The following ATM variants were observed in gnomAD, a reference collection of about 807,000 sequenced individuals.
The protein encoded by ATM is ATM serine/threonine kinase.
ATM carries 308 observed loss-of-function variants against 387.0 expected under a neutral mutation model. The observed-to-expected ratio is 0.80, with a 90% CI of 0.73 to 0.87. The LOEUF is 0.87. Ranked by LOEUF, ATM falls within the 40% of genes least tolerant of loss-of-function variation. The pLI is 0.00. For synonymous variants in ATM, 1,156 were observed against 1,187.3 expected (o/e 0.97, Z 0.54); for missense variants, 3,312 against 3,560.9 (o/e 0.93, Z 1.78).
intron 29 of ATM, among the ~76,000 whole-genome samples, chr11:108,291,752 A>G (rs139070844): frequency 6.6e-6 from 1 of 152,180 alleles, no homozygotes; most frequent in African/African-American, 2.4e-5. Context: ...TAGTGTTTGC[A>G]GATTGGCTTT....
chr11:108,343,682 T>C, intron 57 of ATM, among the ~76,000 whole-genome samples: 1 of 152,134 alleles, frequency 6.6e-6, no homozygotes. Context: ...CACGATGGCA[T>C]GCACCTGTAA....
chr11:108,354,658 C>A (rs1327860949), intron 60 of ATM, among the ~76,000 whole-genome samples, 153 bp from the exon 61 acceptor site: 1 of 152,162 alleles, frequency 6.6e-6, no homozygotes, highest in Non-Finnish European at 1.5e-5. Flanking sequence ...CTAATGAAAG[C>A]CCACTCTGCC....
intron 20 of ATM, among the ~76,000 whole-genome samples, chr11:108,271,659 A>T (rs573230023): frequency 6.6e-6 from 1 of 152,262 alleles, no homozygotes; most frequent in Admixed American, 6.5e-5. Context: ...TTTGACATGT[A>T]TAGTGAATAA....
At chr11:108,301,473 T>C (rs1385579530) in intron 34 of ATM, among the ~76,000 whole-genome samples, 175 bp from the exon 35 acceptor site, 1 of 152,236 alleles carries the variant, frequency 6.6e-6, no homozygotes, top group Non-Finnish European at 1.5e-5. Context: ...TCAAGTTTAC[T>C]GAATGACTAG....
chr11:108,279,775 C>T (rs188418573), intron 23 of ATM, among the ~76,000 whole-genome samples, 167 bp downstream of exon 23: 2 of 152,286 alleles, frequency 1.3e-5, no homozygotes, highest in Admixed American at 1.3e-4. Context: ...CTTTCTGGGT[C>T]ACAATGGGTC....
At chr11:108,234,058 T>G (rs745437666) in intron 4 of ATM, among the ~76,000 whole-genome samples, 6 of 152,196 alleles carry the variant, frequency 3.9e-5, no homozygotes, top group Non-Finnish European at 8.8e-5. Context: ...ATATAGAGAT[T>G]AATTCCTTTC....
chr11:108,288,992 T>A lies in ATM; in HGVS notation c.4125T>A (p.Ala1375=), dbSNP rs1555096804. ...LCDFSGDLDP[A]PNPPHFPSHV... is the part of the protein sequence containing the mutation. ...ACTCTGTTAGGGATTTGGATCCTGCTCCTAATCCACCTCATTTTCCATCGC... is the reference window on the plus strand; with the variant it reads ...ACTCTGTTAGGGATTTGGATCCTGCACCTAATCCACCTCATTTTCCATCGC... Residue 1375 remains alanine (A), a synonymous_variant, in exon 28 of 63, where the codon GCT becomes GCA. Coordinates refer to ENST00000675843, the MANE Select transcript of ATM (RefSeq NM_000051.4). 1 of 1,613,662 alleles carries A rather than the reference T, an allele frequency of 6.2e-7. No homozygotes were observed. The highest frequency in any genetic ancestry group is 8.5e-7 in the Non-Finnish European group (1 of 1,179,734).
Position 108,330,208 on chromosome 11 carries a change from T to C in ATM, c.7308-6T>C, listed in dbSNP as rs574836628. 6.2e-7 allele frequency: 1 copy of C among 1,613,094 alleles called. No homozygotes were observed. The highest frequency in any genetic ancestry group is 2.2e-5 in the East Asian group (1 of 44,826). The stretch of plus-strand genomic sequence containing the variant: ...TTTGTGTTTTACCTTAATTATTCTA[T>C]GCAAGATACACAGTAAAGGTTCAGC... On this transcript the variant is annotated splice_polypyrimidine_tract_variant and splice_region_variant and intron_variant, in intron 49 of 62. Transcript: ENST00000675843.
In ATM at chr11:108,317,443, A is replaced by G. The variant is rs1555114696; in HGVS notation, c.6269A>G (p.Asp2090Gly). 1 of 1,612,520 alleles carries G rather than the reference A, an allele frequency of 6.2e-7. No homozygotes were observed. The highest frequency in any genetic ancestry group is 8.5e-7 in the Non-Finnish European group (1 of 1,179,408). ...YLKGLDYENK[D>G]WCPELEELHY... Reference sequence around the variant, plus strand: ...AAAGGATTGGATTATGAAAATAAAGACTGGTGTCCTGAACTAGAAGAACTT... The same window carrying G: ...AAAGGATTGGATTATGAAAATAAAGGCTGGTGTCCTGAACTAGAAGAACTT... Residue 2090 changes from aspartate (D) to glycine (G), a missense_variant, in exon 43 of 63, where the codon GAC (aspartate) becomes GGC (glycine). By Grantham distance (94) the Asp-to-Gly change is moderately conservative. This residue lies in a region of ATM where 1,405 missense variants were observed against 1,604.4 expected (regional missense o/e 0.88). Transcript: ENST00000675843.
chr11:108,245,970 G>A (rs1035495282), intron 7 of ATM, among the ~76,000 whole-genome samples: 3 of 151,710 alleles, frequency 2.0e-5, no homozygotes, highest in Non-Finnish European at 4.4e-5. Context: ...GATTACAGAT[G>A]CCTGGCACCA....
intron 54 of ATM, 34 bp downstream of exon 54, chr11:108,334,002 CTA>C (rs754906809): frequency 1.3e-6 from 2 of 1,527,544 alleles, no homozygotes; most frequent in African/African-American, 1.4e-5. Context: ...TTTTTTTAAA[CTA>C]AATTTTTTTT....
intron 27 of ATM, among the ~76,000 whole-genome samples, chr11:108,288,239 AATTTTTTATAT>A (rs973595824): frequency 2.0e-5 from 3 of 151,844 alleles, no homozygotes; most frequent in African/African-American, 7.3e-5. Flanking sequence ...GCGCCTGGCT[AATTTTTTATAT>A]TTTTGGTAGA....
At chr11:108,265,986 A>G (rs1300008646) in intron 16 of ATM, among the ~76,000 whole-genome samples, 8 of 151,734 alleles carry the variant, frequency 5.3e-5, no homozygotes, top group Admixed American at 1.3e-4. Flanking sequence ...AGGAAACAAC[A>G]GGTGCTGGAG....
At chr11:108,322,599 G>T (rs933588469) in intron 45 of ATM, among the ~76,000 whole-genome samples, 3 of 152,186 alleles carry the variant, frequency 2.0e-5, no homozygotes, top group Admixed American at 2.0e-4. Context: ...TTTGGAAGAT[G>T]AAATAGTATA....
In ATM at chr11:108,287,724, A is replaced by C. The variant is rs730881289; in HGVS notation, c.4109+9A>C. The stretch of plus-strand genomic sequence containing the variant: ...CTCTGTGACTTTTCAGGGTATGTAC[A>C]TTTTAAACTTAGAGAACTAGCTCTA... On this transcript the variant is annotated intron_variant, in intron 27 of 62. Transcript: ENST00000675843. 16 of 1,592,368 alleles carry C rather than the reference A, an allele frequency of 1.0e-5. No homozygotes were observed. In the East Asian group the frequency reaches 3.6e-4, roughly 36 times the overall value.
rs959019179 is a variant in ATM at position 108,301,877 on chromosome 11, A to C, written c.5319+88A>C. 4.3e-6 allele frequency: 6 copies of C among 1,406,214 alleles called. No homozygotes were observed. In the African/African-American group the frequency reaches 8.5e-5, roughly 20 times the overall value. The allele number at this position is 1,406,214 out of a possible 1,614,324, so 87.1% of individuals were successfully genotyped here. On this transcript the variant is annotated intron_variant, in intron 35 of 62. Coordinates refer to ENST00000675843, the MANE Select transcript of ATM (RefSeq NM_000051.4). ...GGGTCATGACTGTTAAATTGCTTGA[A>C]ATAGTATTGTACTAACTATTAACCT...
chr11:108,270,781 C>T (rs2081531236), intron 18 of ATM, among the ~76,000 whole-genome samples: 1 of 152,014 alleles, frequency 6.6e-6, no homozygotes, highest in Admixed American at 6.6e-5. Context: ...CTGCAACCTT[C>T]GCCTCCCAGG....
chr11:108,292,779 GAGGTTC>G lies in ATM; in HGVS notation c.4600_4605del (p.Val1534_Gln1535del), dbSNP rs768183241. The G allele has an allele frequency of 1.9e-6, 3 of 1,613,964 alleles. No individual in the cohort carries two copies. Among genetic ancestry groups the G allele is most frequent in the African/African-American group, 2.7e-5 (2 of 75,012 alleles). On this transcript the variant is annotated inframe_deletion, in exon 30 of 63. Coordinates refer to ENST00000675843, the MANE Select transcript of ATM (RefSeq NM_000051.4). ...TATACCCCTTGTGTATGAGCAGGTG[GAGGTTC>G]AGAAACAGGTAATTTTCTGACTCAT...
chr11:108,309,215 A>T, intron 38 of ATM: 1 of 533,550 alleles, frequency 1.9e-6, no homozygotes, highest in South Asian at 2.5e-5. Flanking sequence ...AACAACAAAA[A>T]AATTGCTTGC....
Sources: gnomAD v4.1 joint callset for allele counts (sites outside exome capture counted in the v4.1 genomes callset) on GRCh38, gnomAD v4.1.1 for gene constraint, gnomAD v4.1.1 regional missense constraint, MANE v1.5 for transcripts, NCBI Gene and HGNC (gene_info 2026-07-23, HGNC 2026-07-21) for gene names.